Variants in PDE4D observed in about 807,000 individuals in gnomAD.
PDE4D encodes 3',5'-cyclic-AMP phosphodiesterase 4D.
In PDE4D, 24 loss-of-function variants were observed where a neutral mutation model predicts 87.4. The observed-to-expected ratio is 0.27, with a 90% CI of 0.20 to 0.39. The LOEUF (loss-of-function observed/expected upper bound fraction) is 0.39. Ranked by LOEUF, PDE4D falls within the 10% of genes least tolerant of loss-of-function variation. The pLI is 1.00. For missense variants in PDE4D, 714 were observed against 1,041.0 expected (o/e 0.69, Z 4.32); for synonymous variants, 384 against 383.2 (o/e 1.00, Z -0.02).
rs144740617 is a variant in PDE4D, at chr5:60,476,530, C to T, written c.-90+11412G>A. ...ATGTCTCTCCCCTGCCCCAAATCCACCAATGGATTGCCATGGCACTTAGAA... is the reference window on the plus strand; with the variant it reads ...ATGTCTCTCCCCTGCCCCAAATCCATCAATGGATTGCCATGGCACTTAGAA... On this transcript the variant is annotated intron_variant, in intron 1 of 16. Coordinates refer to the PDE4D transcript ENST00000502484. Among the ~76,000 whole-genome samples, 26 of 152,324 alleles carry T rather than the reference C, an allele frequency of 1.7e-4. No homozygotes were observed. The South Asian group carries it at 1.9e-3, about 11-fold the overall frequency.
intron 1 of PDE4D, among the ~76,000 whole-genome samples, chr5:59,358,491 C>A (rs1781738388): frequency 6.6e-6 from 1 of 152,182 alleles, no homozygotes; most frequent in Non-Finnish European, 1.5e-5. Flanking sequence ...TGCCAATCTG[C>A]CCTTCTGGTG....
At chr5:59,723,326 A>G (rs1756123055) in intron 1 of PDE4D, among the ~76,000 whole-genome samples, 1 of 152,092 alleles carries the variant, frequency 6.6e-6, no homozygotes, top group East Asian at 1.9e-4. Context: ...ATAACTCAAC[A>G]TGTTTTCTTA....
At chr5:58,982,184 T>G (rs1745322861) in intron 11 of PDE4D, among the ~76,000 whole-genome samples, 1 of 152,132 alleles carries the variant, frequency 6.6e-6, no homozygotes, top group Non-Finnish European at 1.5e-5. Flanking sequence ...CCCATTTCTA[T>G]CCAATGATTC....
At chr5:59,419,928 A>C (rs906686114) in intron 1 of PDE4D, among the ~76,000 whole-genome samples, 6 of 152,192 alleles carry the variant, frequency 3.9e-5, no homozygotes, top group South Asian at 2.1e-4. Flanking sequence ...AGTTCACCAA[A>C]GGAACTGAGA....
chr5:60,123,386 G>A (rs1353383918), intron 2 of PDE4D, among the ~76,000 whole-genome samples: 2 of 152,166 alleles, frequency 1.3e-5, no homozygotes, highest in Non-Finnish European at 2.9e-5. Flanking sequence ...TGGCTGGGAA[G>A]GCCTCACAAT....
At chr5:60,196,205 G>T (rs763108981) in intron 1 of PDE4D, among the ~76,000 whole-genome samples, 1 of 151,468 alleles carries the variant, frequency 6.6e-6, no homozygotes, top group Non-Finnish European at 1.5e-5. Context: ...CTCTTTCAAC[G>T]CTCACCTTGA....
At chr5:60,404,420 A>G (rs1434745405) in intron 1 of PDE4D, among the ~76,000 whole-genome samples, 1 of 152,166 alleles carries the variant, frequency 6.6e-6, no homozygotes, top group Admixed American at 6.5e-5. Flanking sequence ...AGTGACTACA[A>G]AAACTCTCTG....
chr5:59,648,917 G>A (rs1464077158), intron 1 of PDE4D, among the ~76,000 whole-genome samples: 1 of 152,172 alleles, frequency 6.6e-6, no homozygotes, highest in Non-Finnish European at 1.5e-5. Flanking sequence ...CAAGGAAAGA[G>A]CTTGTCTTAC....
intron 1 of PDE4D, among the ~76,000 whole-genome samples, chr5:59,711,578 T>A (rs1002130969): frequency 5.9e-5 from 9 of 152,118 alleles, no homozygotes; most frequent in African/African-American, 2.2e-4. Flanking sequence ...TAAAAGCTAG[T>A]TGGGAATCAC....
At chr5:59,359,761 C>T (rs1253196010) in intron 1 of PDE4D, among the ~76,000 whole-genome samples, 2 of 152,040 alleles carry the variant, frequency 1.3e-5, no homozygotes, top group Admixed American at 6.6e-5. Flanking sequence ...ATTTATTAAG[C>T]GTTTATTTTT....
At chr5:59,684,765 A>C (rs1447445506) in intron 1 of PDE4D, among the ~76,000 whole-genome samples, 1 of 152,184 alleles carries the variant, frequency 6.6e-6, no homozygotes, top group Non-Finnish European at 1.5e-5. Context: ...GTATTTACTG[A>C]GCACAGAGGG....
chr5:60,035,763 G>A (rs1431357681), intron 2 of PDE4D, among the ~76,000 whole-genome samples: 3 of 152,106 alleles, frequency 2.0e-5, no homozygotes, highest in Non-Finnish European at 2.9e-5. Context: ...GGCACCCGAT[G>A]GGCTCACTTA....
intron 1 of PDE4D, among the ~76,000 whole-genome samples, chr5:60,415,533 G>C (rs1742430588): frequency 6.6e-6 from 1 of 152,252 alleles, no homozygotes; most frequent in Non-Finnish European, 1.5e-5. Flanking sequence ...CGTGGGCTTG[G>C]TGGGCCCGCA....
intron 7 of PDE4D, among the ~76,000 whole-genome samples, chr5:58,992,778 A>C (rs1026718074): frequency 3.9e-5 from 6 of 152,192 alleles, no homozygotes; most frequent in African/African-American, 1.4e-4. Context: ...ATAAATGTTA[A>C]CTATATATAA....
intron 2 of PDE4D, among the ~76,000 whole-genome samples, chr5:60,083,451 A>G (rs1003337062): frequency 6.6e-6 from 1 of 152,246 alleles, no homozygotes; most frequent in Non-Finnish European, 1.5e-5. Context: ...CGATTTTAAT[A>G]ATGTAAAACT....
intron 1 of PDE4D, among the ~76,000 whole-genome samples, chr5:59,224,483 G>C (rs1753299567): frequency 6.6e-6 from 1 of 152,156 alleles, no homozygotes; most frequent in African/African-American, 2.4e-5. Context: ...TGAGTTTGAT[G>C]TCTGGACTAT....
chr5:60,322,272 G>T (rs571877042), intron 1 of PDE4D, among the ~76,000 whole-genome samples: 1 of 151,944 alleles, frequency 6.6e-6, no homozygotes, highest in African/African-American at 2.4e-5. Context: ...GAAGCTGGAG[G>T]CCATTATGCT....
At chr5:59,990,841 C>T (rs573443110) in intron 2 of PDE4D, among the ~76,000 whole-genome samples, 1 of 152,178 alleles carries the variant, frequency 6.6e-6, no homozygotes, top group East Asian at 1.9e-4. Flanking sequence ...TCGCCTGGGA[C>T]CTTTTGATTT....
At chr5:60,141,457 A>G (rs1217649512) in intron 2 of PDE4D, among the ~76,000 whole-genome samples, 1 of 152,182 alleles carries the variant, frequency 6.6e-6, no homozygotes, top group Non-Finnish European at 1.5e-5. Context: ...CAGAGAGTAG[A>G]AGGGAGAAAT....
Sources: allele counts gnomAD v4.1 joint callset (sites outside exome capture counted in the v4.1 genomes callset), GRCh38; gene constraint gnomAD v4.1.1; transcripts MANE v1.5; gene names NCBI Gene and HGNC (gene_info 2026-07-23, HGNC 2026-07-21).